MYRIP: variants seen among roughly 807,000 people sequenced by gnomAD.
The protein encoded by MYRIP is myosin VIIA and Rab interacting protein.
MYRIP carries 49 observed loss-of-function variants against 98.0 expected under a neutral mutation model. That is an observed-to-expected ratio of 0.50 (90% confidence interval 0.40 to 0.63). The LOEUF is 0.63. MYRIP is among the 30% of genes least tolerant of loss of function. The probability of loss-of-function intolerance (pLI) is 0.00; values close to 1 mark genes in which losing one functional copy is unlikely to be tolerated. For missense variants in MYRIP, 1,004 were observed against 1,058.2 expected, an observed-to-expected ratio of 0.95 and a Z score of 0.71; for synonymous variants, 404 against 409.5, an observed-to-expected ratio of 0.99 and a Z score of 0.16.
rs772232777 is a variant in MYRIP, at chr3:39,815,399, ATGTG to A, written c.-31+5495_-31+5498del. On this transcript the variant is annotated intron_variant, in intron 1 of 16. Coordinates refer to ENST00000302541, the MANE Select transcript of MYRIP (RefSeq NM_015460.4). ...TTTATTGGTGTATTTCATCATATAT[ATGTG>A]TGTGTGTGTGTATGTATGTATATAT... Among the ~76,000 whole-genome samples the A allele has an allele frequency of 5.3e-5, 8 of 151,646 alleles. No homozygotes were observed. In the South Asian group the frequency reaches 1.3e-3, roughly 24 times the overall value.
In MYRIP at chr3:39,935,661, A is replaced by T. The variant is rs943653352; in HGVS notation, c.110+34735A>T. On this transcript the variant is annotated intron_variant, in intron 2 of 16. Transcript: ENST00000302541. ...CATGAAAATAAGGAAAAGTATTATA[A>T]TTCTTCTGTGAGCAATATGCTTTAC... Among the ~76,000 whole-genome samples the T allele has an allele frequency of 2.8e-4, 43 of 152,162 alleles. 1 individual carries two copies. Among genetic ancestry groups the T allele is most frequent in the African/African-American group, 1.0e-3 (43 of 41,460 alleles).
chr3:39,881,210 C>G (rs947247371), intron 1 of MYRIP, among the ~76,000 whole-genome samples: 12 of 149,422 alleles, frequency 8.0e-5, no homozygotes, highest in Admixed American at 4.7e-4. Context: ...CTGAGCATTA[C>G]ACCCATTTCT....
intron 2 of MYRIP, among the ~76,000 whole-genome samples, chr3:40,021,861 G>A (rs1426165304): frequency 6.6e-6 from 1 of 152,124 alleles, no homozygotes; most frequent in African/African-American, 2.4e-5. Context: ...TCCCTTAGTG[G>A]CACTGAAGAT....
At chr3:40,238,070 G>A (rs1008639377) in intron 12 of MYRIP, among the ~76,000 whole-genome samples, 1 of 152,190 alleles carries the variant, frequency 6.6e-6, no homozygotes, top group Non-Finnish European at 1.5e-5. Flanking sequence ...ACCATGGCTG[G>A]AAGGCCCAGT....
rs962488964 is a variant in MYRIP, at chr3:39,881,880, ATTC to A, written c.-30-18895_-30-18893del. The stretch of plus-strand genomic sequence containing the variant: ...TTCCATCTTTTAAAATTTTGTTGAC[ATTC>A]TTCTTCTTCTTGTCTTTTTTTCTCG... On this transcript the variant is annotated intron_variant, in intron 1 of 16. Transcript: ENST00000302541. 6.6e-5 allele frequency among the ~76,000 whole-genome samples: 10 copies of A among 151,688 alleles called. No individual in the cohort carries two copies. In the East Asian group the frequency reaches 1.5e-3, roughly 23 times the overall value.
At chr3:39,967,447 A>G (rs1945468220) in intron 2 of MYRIP, among the ~76,000 whole-genome samples, 1 of 152,178 alleles carries the variant, frequency 6.6e-6, no homozygotes, top group Non-Finnish European at 1.5e-5. Flanking sequence ...ATATTATTTC[A>G]TGGTACATAT....
At chr3:39,836,822 A>C (rs929656877) in intron 1 of MYRIP, among the ~76,000 whole-genome samples, 9 of 152,234 alleles carry the variant, frequency 5.9e-5, no homozygotes, top group African/African-American at 2.2e-4. Flanking sequence ...TTAAGAGAGT[A>C]GTTCTAGGAA....
At chr3:40,230,885 G>T (rs1952634846) in intron 11 of MYRIP, among the ~76,000 whole-genome samples, 1 of 149,822 alleles carries the variant, frequency 6.7e-6, no homozygotes, top group African/African-American at 2.5e-5. Flanking sequence ...GGAGTGCAAT[G>T]GCGGGTCTCA....
chr3:40,158,419 T>A (rs1165515864), intron 4 of MYRIP, among the ~76,000 whole-genome samples: 1 of 152,184 alleles, frequency 6.6e-6, no homozygotes, highest in African/African-American at 2.4e-5. Flanking sequence ...CTTCCAAGTA[T>A]GTGGTCAATT....
upstream of MYRIP, chr3:39,808,927 C>G (rs1465862762): frequency 6.6e-6 from 1 of 152,230 alleles, no homozygotes; most frequent in Non-Finnish European, 1.5e-5. Flanking sequence ...CCGGCGGTTC[C>G]GCAGCTGTGT....
intron 2 of MYRIP, among the ~76,000 whole-genome samples, chr3:39,944,881 C>A (rs1944863672): frequency 6.6e-6 from 1 of 150,924 alleles, no homozygotes; most frequent in Non-Finnish European, 1.5e-5. Flanking sequence ...TTTACATTTT[C>A]TGTCTATCAC....
At chr3:40,144,557 C>T (rs948639452) in intron 3 of MYRIP, among the ~76,000 whole-genome samples, 3 of 152,192 alleles carry the variant, frequency 2.0e-5, no homozygotes, top group Non-Finnish European at 1.5e-5. Flanking sequence ...TTCTGGTGAC[C>T]AGCTGCTCAG....
At position 39,988,051 on chromosome 3, in the gene MYRIP, A is replaced by G. The variant is rs139080707; in HGVS notation, c.111-55999A>G. On this transcript the variant is annotated intron_variant, in intron 2 of 16. Transcript: ENST00000302541. ...TGGAAATCATCATTCTCAGTAAACT[A>G]TTGCAAGAACAAAAAACCAAACACC... 8.1e-3 allele frequency among the ~76,000 whole-genome samples: 1,232 copies of G among 152,278 alleles called. 17 individuals are homozygous for G. Among genetic ancestry groups the G allele is most frequent in the African/African-American group, 0.028 (1,158 of 41,550 alleles).
intron 1 of MYRIP, among the ~76,000 whole-genome samples, chr3:39,844,064 T>A (rs933714521): frequency 6.6e-6 from 1 of 152,056 alleles, no homozygotes; most frequent in Non-Finnish European, 1.5e-5. Context: ...CTGCAGAGAG[T>A]GTTCGAGCTT....
chr3:40,158,197 C>A (rs1950289367), intron 4 of MYRIP, among the ~76,000 whole-genome samples: 3 of 152,116 alleles, frequency 2.0e-5, no homozygotes. Flanking sequence ...TATGTTGTGT[C>A]TCTGTTCTCG....
At chr3:39,946,289 G>T (rs1944899690) in intron 2 of MYRIP, among the ~76,000 whole-genome samples, 1 of 152,096 alleles carries the variant, frequency 6.6e-6, no homozygotes, top group African/African-American at 2.4e-5. Context: ...ATAAAGAAAT[G>T]AACATTGTGG....
In MYRIP at chr3:40,098,938, T is replaced by TGC. The variant is rs1430630626; in HGVS notation, c.333-52109_333-52108insCG. Among the ~76,000 whole-genome samples the TGC allele has an allele frequency of 6.6e-3, 1,005 of 152,188 alleles. 8 individuals are homozygous for TGC. Among genetic ancestry groups the TGC allele is most frequent in the African/African-American group, 0.022 (926 of 41,498 alleles). On this transcript the variant is annotated intron_variant, in intron 3 of 16. Coordinates refer to ENST00000302541, the MANE Select transcript of MYRIP (RefSeq NM_015460.4). ...GTGTGTGCGTGTGTGTGTGTGTGTG[T>TGC]GTACATTTGATTAGGAATTTCAAGT...
intron 2 of MYRIP, among the ~76,000 whole-genome samples, chr3:39,947,562 T>C (rs76587594): frequency 0.037 from 5,562 of 152,220 alleles, 338 homozygotes; most frequent in African/African-American, 0.13. Flanking sequence ...GGTACTCAAA[T>C]TGTGGTCTAC....
chr3:40,254,466 ATTCAT>A, intron 16 of MYRIP, among the ~76,000 whole-genome samples: 1 of 85,334 alleles, frequency 1.2e-5, no homozygotes, highest in Middle Eastern at 0.016. Context: ...ACAATCAGAT[ATTCAT>A]TTGTGTCTGG....
Sources: allele counts gnomAD v4.1 joint callset (sites outside exome capture counted in the v4.1 genomes callset), GRCh38; gene constraint gnomAD v4.1.1; transcripts MANE v1.5; gene names NCBI Gene and HGNC (gene_info 2026-07-23, HGNC 2026-07-21).